The following STAU1 variants were observed in gnomAD, a reference collection of about 807,000 sequenced individuals.
STAU1 encodes staufen double-stranded RNA binding protein 1.
In STAU1, 13 loss-of-function variants were observed where a neutral mutation model predicts 62.9. The observed-to-expected ratio is 0.21, with a 90% confidence interval of 0.13 to 0.33. The LOEUF is 0.33. Among genes scored for constraint, STAU1 ranks in the 10% least tolerant of loss-of-function variants. STAU1 has a pLI of 1.00. For synonymous variants in STAU1, 269 were observed against 265.1 expected (o/e 1.01, Z -0.14); for missense variants, 571 against 712.1 (o/e 0.80, Z 2.25).
Position 49,117,217 on chromosome 20 carries a change from T to C in STAU1, c.1541A>G (p.Lys514Arg), listed in dbSNP as rs1229128627. The change falls in exon 12 of 14, where the codon AAG becomes AGG. Residue 514 changes from lysine to arginine, a missense_variant. Transcript: ENST00000371856. The surrounding 1 kb of genome is among the most constrained non-coding windows in gnomAD (Gnocchi z 4.6). ...ATTGATAAGAGATACAAATTCGTTC[T>C]TGTTGTTTTTGGGGAAGTCTTTGTA... is the stretch of plus-strand genomic sequence containing the variant. ...VEYKDFPKNNKNEFVSLINCS... is the reference protein window; with the variant it reads ...VEYKDFPKNNRNEFVSLINCS... 26 of 1,614,074 alleles carry C rather than the reference T, an allele frequency of 1.6e-5. No individual in the cohort carries two copies. Among genetic ancestry groups the C allele is most frequent in the East Asian group, 2.2e-5 (1 of 44,898 alleles).
chr20:49,175,322 C>T (rs1203433571), intron 1 of STAU1, among the ~76,000 whole-genome samples: 1 of 151,170 alleles, frequency 6.6e-6, no homozygotes, highest in East Asian at 1.9e-4. Flanking sequence ...CAGAGTGAGA[C>T]TCCTCTGGGA....
chr20:49,214,750 T>A, the STAU1 span, among the ~76,000 whole-genome samples: 3 of 152,182 alleles, frequency 2.0e-5, no homozygotes, highest in Admixed American at 2.0e-4. Flanking sequence ...AATTTAGCTC[T>A]CTTGCTTTTT....
chr20:49,207,558 T>C, the STAU1 span, among the ~76,000 whole-genome samples: 4 of 152,272 alleles, frequency 2.6e-5, no homozygotes, highest in African/African-American at 4.8e-5. Flanking sequence ...CACTGTTGCC[T>C]GGGTTGGAGA....
At chr20:49,210,055 A>AAAT in the STAU1 span, among the ~76,000 whole-genome samples, 1 of 151,902 alleles carries the variant, frequency 6.6e-6, no homozygotes, top group South Asian at 2.1e-4. Flanking sequence ...TCTCAAAAAA[A>AAAT]AATAATAATA....
chr20:49,206,955 C>T, the STAU1 span, among the ~76,000 whole-genome samples: 1 of 151,392 alleles, frequency 6.6e-6, no homozygotes, highest in South Asian at 2.1e-4. Context: ...GGGGTTTCAC[C>T]ATGTTGGCCA....
the STAU1 span, among the ~76,000 whole-genome samples, chr20:49,198,169 T>A: frequency 6.6e-6 from 1 of 152,120 alleles, no homozygotes; most frequent in African/African-American, 2.4e-5. Flanking sequence ...AAAACACACA[T>A]ATACATACAC....
chr20:49,160,144 AACG>A (rs2093426026), intron 3 of STAU1, among the ~76,000 whole-genome samples: 1 of 152,218 alleles, frequency 6.6e-6, no homozygotes, highest in African/African-American at 2.4e-5. Context: ...ATGAGGAAAC[AACG>A]ACAACAAAAA....
rs3795080 is a variant in STAU1, at chr20:49,122,751, G to A, written c.966+341C>T. ...GCCAACATGGCGAAACTCCGTCTCT[G>A]CTAAAAATACAAAAAATTAGCTGGG... On this transcript the variant is annotated intron_variant, in intron 8 of 13. Transcript: ENST00000371856. Among the ~76,000 whole-genome samples the A allele has an allele frequency of 1.9e-3, 295 of 151,874 alleles. 8 individuals carry two copies. In the East Asian group the frequency reaches 0.051, roughly 26 times the overall value.
At chr20:49,130,867 G>A (rs1466447609) in intron 6 of STAU1, among the ~76,000 whole-genome samples, 1 of 151,868 alleles carries the variant, frequency 6.6e-6, no homozygotes, top group Non-Finnish European at 1.5e-5. Flanking sequence ...GAACCCGGGA[G>A]CCAGAGGTTG....
chr20:49,180,338 C>CCG lies in STAU1; in HGVS notation c.-159-6070_-159-6069insCG, dbSNP rs1555873881. Reference sequence around the variant, plus strand: ...ACAGTTCTTTTTTTTTTTTTCCCCCCCTGGATACAGAGTCTTGCTCTGTTG... The same window carrying CCG: ...ACAGTTCTTTTTTTTTTTTTCCCCCCCGCTGGATACAGAGTCTTGCTCTGTTG... On this transcript the variant is annotated intron_variant, in intron 1 of 13. Coordinates refer to ENST00000371856, the MANE Select transcript of STAU1 (RefSeq NM_017453.4). Among the ~76,000 whole-genome samples, 8 of 150,666 alleles carry CCG rather than the reference C, an allele frequency of 5.3e-5. No homozygotes were observed. The South Asian group carries it at 1.7e-3, about 32-fold the overall frequency.
At chr20:49,146,908 C>T (rs1003879357) in intron 5 of STAU1, among the ~76,000 whole-genome samples, 1 of 152,030 alleles carries the variant, frequency 6.6e-6, no homozygotes, top group African/African-American at 2.4e-5. Context: ...AGCTAGCCCC[C>T]GTTTTTCTCT....
chr20:49,180,818 C>T (rs2093715782), intron 1 of STAU1, among the ~76,000 whole-genome samples: 1 of 152,146 alleles, frequency 6.6e-6, no homozygotes, highest in Admixed American at 6.6e-5. Context: ...ATTACTTAAC[C>T]AGACTTTCTT....
intron 1 of STAU1, among the ~76,000 whole-genome samples, chr20:49,177,506 G>A (rs201445243): frequency 4.0e-5 from 6 of 151,674 alleles, no homozygotes; most frequent in Admixed American, 6.6e-5. Context: ...GTGAAACCCC[G>A]TCTCTACTAA....
chr20:49,195,351 C>G, the STAU1 span, among the ~76,000 whole-genome samples: 1 of 149,980 alleles, frequency 6.7e-6, no homozygotes, highest in East Asian at 2.0e-4. Flanking sequence ...TCCTGGCTAA[C>G]ACGGTGAAAC....
At chr20:49,129,540 G>A (rs1396913689) in intron 6 of STAU1, among the ~76,000 whole-genome samples, 2 of 151,002 alleles carry the variant, frequency 1.3e-5, no homozygotes, top group Non-Finnish European at 2.9e-5. Flanking sequence ...ATACCCAAGT[G>A]TTGGAGAGGA....
chr20:49,154,832 C>A (rs2093330986), intron 3 of STAU1, among the ~76,000 whole-genome samples: 1 of 151,892 alleles, frequency 6.6e-6, no homozygotes, highest in Admixed American at 6.6e-5. Flanking sequence ...CACCTGTAAT[C>A]CCAGCACTTT....
chr20:49,157,753 C>T (rs2093384398), intron 3 of STAU1, among the ~76,000 whole-genome samples: 1 of 151,900 alleles, frequency 6.6e-6, no homozygotes, highest in Non-Finnish European at 1.5e-5. Context: ...GCTGGGATTA[C>T]AGGCGTGAGC....
At chr20:49,163,730 C>G in intron 3 of STAU1, among the ~76,000 whole-genome samples, 1 of 151,968 alleles carries the variant, frequency 6.6e-6, no homozygotes, top group Non-Finnish European at 1.5e-5. Flanking sequence ...CGGCAAGGTA[C>G]CTTTAGTTCA....
In STAU1 at chr20:49,117,950, G is replaced by T; in HGVS notation, c.1336C>A (p.Pro446Thr). 6.2e-7 allele frequency: 1 copy of T among 1,614,212 alleles called. No individual in the cohort carries two copies. The highest frequency in any genetic ancestry group is 1.1e-5 in the South Asian group (1 of 91,084). The change falls in exon 11 of 14, where the codon CCT becomes ACT. Residue 446 changes from proline (P) to threonine (T), a missense_variant. Transcript: ENST00000371856. This position sits in a 1 kb window ranked among gnomAD's most constrained non-coding sequence, Gnocchi z 4.6. Reference sequence around the variant, plus strand: ...ATGGCAGTTACCGTGGCCTTGGCAGGATTCGGAGCTGCCCTGGTAAAATCT... The same window carrying T: ...ATGGCAGTTACCGTGGCCTTGGCAGTATTCGGAGCTGCCCTGGTAAAATCT... ...TKDFTRAAPN[P>T]AKATVTAMIA...
Sources: allele counts gnomAD v4.1 joint callset (sites outside exome capture counted in the v4.1 genomes callset), GRCh38; gene constraint gnomAD v4.1.1; non-coding constraint Gnocchi (gnomAD v3.1); transcripts MANE v1.5; gene names NCBI Gene and HGNC (gene_info 2026-07-23, HGNC 2026-07-21).